DLGAP2: variants seen among roughly 807,000 people sequenced by gnomAD.
DLGAP2 encodes DLG associated protein 2.
DLGAP2 carries 26 observed loss-of-function variants against 100.3 expected under a neutral mutation model. The observed-to-expected ratio is 0.26, with a 90% CI of 0.19 to 0.36. The LOEUF is 0.36. Ranked by LOEUF, DLGAP2 falls within the 10% of genes least tolerant of loss-of-function variation. The probability of loss-of-function intolerance (pLI) is 1.00; values close to 1 mark genes in which losing one functional copy is unlikely to be tolerated. For missense variants in DLGAP2, 1,858 were observed against 1,453.2 expected, an observed-to-expected ratio of 1.28 and a Z score of -4.53; for synonymous variants, 886 against 630.1, an observed-to-expected ratio of 1.41 and a Z score of -6.08.
chr8:1,642,007 G>A (rs1257096986), intron 8 of DLGAP2, among the ~76,000 whole-genome samples: 1 of 35,428 alleles, frequency 2.8e-5, no homozygotes, highest in Non-Finnish European at 4.5e-5. Context: ...CGACCCCGCT[G>A]GTCCTCACCT....
At chr8:1,028,492 C>A (rs932804479) in intron 2 of DLGAP2, among the ~76,000 whole-genome samples, 29 of 152,070 alleles carry the variant, frequency 1.9e-4, no homozygotes, top group Admixed American at 4.6e-4. Context: ...GGTGGGGTGC[C>A]AGGCGCCCGT....
In DLGAP2 at chr8:916,314, T is replaced by C. The variant is rs534750549; in HGVS notation, c.73+8348T>C. Among the ~76,000 whole-genome samples the C allele has an allele frequency of 1.1e-4, 17 of 152,364 alleles. No individual in the cohort carries two copies. In the South Asian group the frequency reaches 3.1e-3, roughly 28 times the overall value. ...ATGAAACCATCGGATTAAGAAAATG[T>C]GGCACATATGCACCATGGAATACTA... On this transcript the variant is annotated intron_variant, in intron 2 of 14. Coordinates refer to ENST00000637795, the MANE Select transcript of DLGAP2 (RefSeq NM_001346810.2).
intron 4 of DLGAP2, among the ~76,000 whole-genome samples, chr8:1,504,618 C>T (rs779187192): frequency 2.6e-5 from 4 of 152,190 alleles, no homozygotes; most frequent in Non-Finnish European, 5.9e-5. Flanking sequence ...TTTCAGATTC[C>T]ACGTGTAAGT....
chr8:1,640,778 C>T (rs547045868), intron 8 of DLGAP2, among the ~76,000 whole-genome samples: 2 of 152,170 alleles, frequency 1.3e-5, no homozygotes, highest in Admixed American at 6.5e-5. Context: ...CCCGCCCCCC[C>T]GCATCTAGAC....
intron 3 of DLGAP2, among the ~76,000 whole-genome samples, chr8:1,443,134 A>T (rs1172586298): frequency 1.3e-5 from 2 of 152,220 alleles, no homozygotes; most frequent in African/African-American, 2.4e-5. Context: ...GAAAAGTTTT[A>T]TGTTATGAAA....
intron 4 of DLGAP2, among the ~76,000 whole-genome samples, chr8:1,509,943 G>A (rs113466740): frequency 0.026 from 3,884 of 152,262 alleles, 65 homozygotes; most frequent in Middle Eastern, 0.034. Context: ...ACGCGGCCGC[G>A]GAGAGGAGTC....
At chr8:977,721 G>T in intron 2 of DLGAP2, among the ~76,000 whole-genome samples, 1 of 118,108 alleles carries the variant, frequency 8.5e-6, no homozygotes, top group Non-Finnish European at 1.9e-5. Flanking sequence ...TAGTAATGTG[G>T]GGAGGGCGTC....
At chr8:1,392,535 G>C (rs1796389179) in intron 3 of DLGAP2, among the ~76,000 whole-genome samples, 1 of 152,208 alleles carries the variant, frequency 6.6e-6, no homozygotes, top group Non-Finnish European at 1.5e-5. Context: ...ATGCAACTAA[G>C]TGAAAGCAAA....
chr8:1,602,791 C>T (rs1283734724), intron 6 of DLGAP2, among the ~76,000 whole-genome samples: 1 of 152,250 alleles, frequency 6.6e-6, no homozygotes, highest in East Asian at 1.9e-4. Context: ...GTGGGCATGG[C>T]AGGCAGTGAC....
intron 1 of DLGAP2, among the ~76,000 whole-genome samples, chr8:874,758 C>G (rs1434680579): frequency 6.6e-6 from 1 of 152,150 alleles, no homozygotes; most frequent in Admixed American, 6.5e-5. Context: ...CAAGCCTTCT[C>G]TTTCCTTGTT....
chr8:1,294,522 G>T (rs1282425683), intron 3 of DLGAP2, among the ~76,000 whole-genome samples: 3 of 152,154 alleles, frequency 2.0e-5, no homozygotes, highest in Non-Finnish European at 4.4e-5. Context: ...TCTCTCCTGC[G>T]ATTTTGTGAG....
rs781085509 is a variant in DLGAP2 at position 1,506,627 on chromosome 8, G to C, written c.172+5196G>C. ...TCAGCAGGTTGCCAGTGCCGGCTCA[G>C]GCAGACTGCTTTTATTCCCTTATCT... On this transcript the variant is annotated intron_variant, in intron 4 of 14. Coordinates refer to ENST00000637795, the MANE Select transcript of DLGAP2 (RefSeq NM_001346810.2). Among the ~76,000 whole-genome samples the C allele has an allele frequency of 7.9e-5, 12 of 152,172 alleles. No individual in the cohort carries two copies. The East Asian group carries it at 1.3e-3, about 17-fold the overall frequency.
chr8:1,344,378 C>G (rs113069846), intron 3 of DLGAP2, among the ~76,000 whole-genome samples: 67 of 152,316 alleles, frequency 4.4e-4, no homozygotes, highest in African/African-American at 1.6e-3. Context: ...AGCTGTGAAT[C>G]CTCCAGAGAG....
In DLGAP2 at chr8:1,357,196, G is replaced by A. The variant is rs183903800; in HGVS notation, c.106+98313G>A. Among the ~76,000 whole-genome samples, 43 of 152,226 alleles carry A rather than the reference G, an allele frequency of 2.8e-4. No individual in the cohort carries two copies. The East Asian group carries it at 7.9e-3, about 28-fold the overall frequency. On this transcript the variant is annotated intron_variant, in intron 3 of 14. Coordinates refer to ENST00000637795, the MANE Select transcript of DLGAP2 (RefSeq NM_001346810.2). Reference sequence around the variant, plus strand: ...GAGCCGCTGGGGATCTCAGTCGCAAGGGTGCTCAGGTGGCCTTGGTGCAGA... The same window carrying A: ...GAGCCGCTGGGGATCTCAGTCGCAAAGGTGCTCAGGTGGCCTTGGTGCAGA...
At chr8:1,663,656 C>T (rs1466473413) in intron 8 of DLGAP2, among the ~76,000 whole-genome samples, 1 of 152,144 alleles carries the variant, frequency 6.6e-6, no homozygotes, top group Non-Finnish European at 1.5e-5. Flanking sequence ...TTAACTTCGA[C>T]TCACAGGGGA....
At chr8:1,370,939 A>G (rs939472101) in intron 3 of DLGAP2, among the ~76,000 whole-genome samples, 1 of 152,236 alleles carries the variant, frequency 6.6e-6, no homozygotes, top group Non-Finnish European at 1.5e-5. Flanking sequence ...TAGAATTTGA[A>G]TAAGTTCATC....
At chr8:1,164,386 C>CCCCCAGGGCCCG (rs1796971503) in intron 2 of DLGAP2, among the ~76,000 whole-genome samples, 1 of 71,944 alleles carries the variant, frequency 1.4e-5, no homozygotes, top group African/African-American at 5.2e-5. Context: ...TTCTGTGAGC[C>CCCCCAGGGCCCG]TCCCAGGGCC....
intron 2 of DLGAP2, among the ~76,000 whole-genome samples, chr8:1,184,620 C>G (rs528435277): frequency 2.0e-5 from 3 of 152,296 alleles, no homozygotes; most frequent in African/African-American, 7.2e-5. Flanking sequence ...GATGCCGAGC[C>G]TGGGGCTGGA....
At chr8:1,038,993 T>C (rs1034127895) in intron 2 of DLGAP2, among the ~76,000 whole-genome samples, 1 of 152,202 alleles carries the variant, frequency 6.6e-6, no homozygotes, top group Non-Finnish European at 1.5e-5. Flanking sequence ...ATATAGCCTG[T>C]TAGAAAGATT....
Sources: gnomAD v4.1 joint callset for allele counts (sites outside exome capture counted in the v4.1 genomes callset) on GRCh38, gnomAD v4.1.1 for gene constraint, MANE v1.5 for transcripts, NCBI Gene and HGNC (gene_info 2026-07-23, HGNC 2026-07-21) for gene names.